ZFHX4: variants seen among roughly 807,000 people sequenced by gnomAD.
ZFHX4 encodes zinc finger homeobox 4.
Under a neutral mutation model 267.6 loss-of-function variants are expected in ZFHX4, and 56 were observed. That is an observed-to-expected ratio of 0.21 (90% CI 0.17 to 0.26). The LOEUF is 0.26. Ranked by LOEUF, ZFHX4 falls within the 10% of genes least tolerant of loss-of-function variation. The pLI, the probability that ZFHX4 is intolerant of heterozygous loss-of-function variation, is 1.00. For missense variants in ZFHX4, 4,332 were observed against 4,420.0 expected (o/e 0.98, Z 0.56); for synonymous variants, 1,778 against 1,665.6 (o/e 1.07, Z -1.64).
intron 3 of ZFHX4, among the ~76,000 whole-genome samples, chr8:76,767,950 A>G (rs1037911382): frequency 3.9e-5 from 6 of 152,202 alleles, no homozygotes; most frequent in African/African-American, 1.4e-4. Flanking sequence ...AGAATATGTT[A>G]ATCAGCATAA....
chr8:76,812,508 G>T (rs778122834), intron 4 of ZFHX4, among the ~76,000 whole-genome samples: 1 of 152,070 alleles, frequency 6.6e-6, no homozygotes, highest in Non-Finnish European at 1.5e-5. Context: ...ACAAACTTAG[G>T]TTTTAAATTT....
intron 3 of ZFHX4, among the ~76,000 whole-genome samples, chr8:76,759,709 TGA>T (rs1809859178): frequency 6.6e-6 from 1 of 152,236 alleles, no homozygotes; most frequent in South Asian, 2.1e-4. Context: ...TTTAGTCATT[TGA>T]GTTTTAATTT....
chr8:76,703,900 T>C (rs1563469268), intron 1 of ZFHX4, 143 bp from the exon 2 acceptor site: 3 of 620,974 alleles, frequency 4.8e-6, no homozygotes, highest in East Asian at 5.6e-5. Flanking sequence ...CCGTCTGTGA[T>C]AGATAGGCAC....
chr8:76,727,209 G>A (rs935321471), intron 3 of ZFHX4, among the ~76,000 whole-genome samples: 1 of 152,094 alleles, frequency 6.6e-6, no homozygotes, highest in Non-Finnish European at 1.5e-5. Context: ...AGACAAGGGT[G>A]TTAACCTTCA....
Position 76,853,130 on chromosome 8 carries a change from C to G in ZFHX4, c.6209C>G (p.Pro2070Arg), listed in dbSNP as rs534760071. Residue 2070 changes from proline (P) to arginine (R), a missense_variant, in exon 10 of 11, where the codon CCG (proline) becomes CGG (arginine). Physicochemically the swap from Pro to Arg is moderately radical, Grantham distance 103 (BLOSUM62 -2). Around this residue, in one of 7 missense-constraint regions of ZFHX4, gnomAD observed 1,371 missense variants for 1,423.1 expected, o/e 0.96. Coordinates refer to ENST00000651372, the MANE Select transcript of ZFHX4 (RefSeq NM_024721.5). ...TCTGCTCCTCCACAGGTCCAACTGC[C>G]GGTTTCTCTGGACCTGCCGCTCTTT... is the stretch of plus-strand genomic sequence containing the variant. ...PPSAPPQVQL[P>R]VSLDLPLFPS... The G allele has an allele frequency of 2.7e-6, 4 of 1,497,900 alleles. No individual in the cohort carries two copies. The highest frequency in any genetic ancestry group is 2.8e-5 in the East Asian group (1 of 35,848). 92.8% of individuals were successfully genotyped at this position (1,497,900 alleles called of 1,614,324 possible).
At chr8:76,827,096 C>T (rs1312068165) in intron 4 of ZFHX4, among the ~76,000 whole-genome samples, 1 of 152,216 alleles carries the variant, frequency 6.6e-6, no homozygotes, top group Non-Finnish European at 1.5e-5. Context: ...CAGTGGTCTC[C>T]AACCTTTTTG....
At chr8:76,721,158 AAGG>A (rs1021268053) in intron 3 of ZFHX4, among the ~76,000 whole-genome samples, 3 of 152,130 alleles carry the variant, frequency 2.0e-5, no homozygotes, top group African/African-American at 4.8e-5. Flanking sequence ...GAGTCTTTTG[AAGG>A]AGGAGAAGTG....
intron 4 of ZFHX4, among the ~76,000 whole-genome samples, chr8:76,818,948 A>G (rs1811574007): frequency 6.6e-6 from 1 of 151,988 alleles, no homozygotes; most frequent in Non-Finnish European, 1.5e-5. Context: ...GAGTAAACTT[A>G]CCAACTAAAT....
At position 76,864,091 on chromosome 8, in the gene ZFHX4, T is replaced by C. The variant is rs1812959487; in HGVS notation, c.10377T>C (p.Asn3459=). Residue 3459 remains asparagine (N), a synonymous_variant, in exon 11 of 11, where the codon AAT becomes AAC. Transcript: ENST00000651372. ...CCTGTGATGTGGCTATCAGTGGGAA[T>C]GAAGCACTTAGCCAACACCTCCAGT... is the stretch of plus-strand genomic sequence containing the variant. ...CLACDVAISG[N]EALSQHLQSS... 6.2e-7 allele frequency: 1 copy of C among 1,613,858 alleles called. No individual in the cohort carries two copies. Among genetic ancestry groups the C allele is most frequent in the Admixed American group, 1.7e-5 (1 of 59,994 alleles).
Position 76,704,481 on chromosome 8 carries a change from C to T in ZFHX4, c.393C>T (p.Ile131=), listed in dbSNP as rs187480056. The stretch of plus-strand genomic sequence containing the variant: ...ACGTGGAAAATCTAACAGGGGAGAT[C>T]GTTTACCAGCCTGATGGGTCAGCAT... ...DSDVENLTGE[I]VYQPDGSAYI... is the part of the protein sequence containing the mutation. Residue 131 remains isoleucine (I), a synonymous_variant, in exon 2 of 11, where the codon ATC becomes ATT. Transcript: ENST00000651372. 2.4e-4 allele frequency: 393 copies of T among 1,613,926 alleles called. No homozygotes were observed. In the Middle Eastern group the frequency reaches 3.6e-3, roughly 15 times the overall value.
At chr8:76,861,840 A>G (rs999572339) in intron 10 of ZFHX4, among the ~76,000 whole-genome samples, 4 of 151,762 alleles carry the variant, frequency 2.6e-5, no homozygotes, top group African/African-American at 7.3e-5. Context: ...AGATGGCTCT[A>G]TGAAGTCTCA....
At chr8:76,753,552 C>T (rs1809679686) in intron 3 of ZFHX4, among the ~76,000 whole-genome samples, 1 of 151,732 alleles carries the variant, frequency 6.6e-6, no homozygotes. Flanking sequence ...CCTCTCTTTC[C>T]ATCTCTTTTG....
Position 76,854,897 on chromosome 8 carries a change from G to A in ZFHX4, c.7976G>A (p.Arg2659Gln). 6.2e-7 allele frequency: 1 copy of A among 1,613,268 alleles called. No individual in the cohort carries two copies. ...GTCTGGTTCCAGAATACACGAGCGC[G>A]GGAGAGGAAAGGCCAGTTCCGGGCG... ...VQVWFQNTRA[R>Q]ERKGQFRAVG... is the part of the protein sequence containing the mutation. The change falls in exon 10 of 11, where the codon CGG (arginine) becomes CAG (glutamine). Residue 2659 changes from arginine (R) to glutamine (Q), a missense_variant. By Grantham distance (43) the Arg-to-Gln change is conservative. This residue lies in a region of ZFHX4 where 1,648 missense variants were observed against 1,625.0 expected (regional missense o/e 1.01). Transcript: ENST00000651372.
chr8:76,849,336 T>G (rs1812448410), intron 7 of ZFHX4, among the ~76,000 whole-genome samples, 176 bp from the exon 8 acceptor site: 1 of 152,212 alleles, frequency 6.6e-6, no homozygotes, highest in Admixed American at 6.5e-5. Context: ...TGGAATGGTC[T>G]TAGTACAAGA....
rs772990885 is a variant in ZFHX4 at position 76,704,536 on chromosome 8, C to A, written c.448C>A (p.Gln150Lys). ...AATTGAGGACTCCAAAGAAAGTGGGCAGAATGCACAGACTGGGGCAAATAG... is the reference window on the plus strand; with the variant it reads ...AATTGAGGACTCCAAAGAAAGTGGGAAGAATGCACAGACTGGGGCAAATAG... ...YIIEDSKESG[Q>K]NAQTGANSKL... is the part of the protein sequence containing the mutation. Residue 150 changes from glutamine to lysine, a missense_variant, in exon 2 of 11, where the codon CAG becomes AAG. This residue lies in a region of ZFHX4 where 1,195 missense variants were observed against 1,173.6 expected (regional missense o/e 1.02). Transcript: ENST00000651372. 6.2e-7 allele frequency: 1 copy of A among 1,613,942 alleles called. No homozygotes were observed. The highest frequency in any genetic ancestry group is 1.7e-5 in the Admixed American group (1 of 60,022).
At chr8:76,686,279 G>C (rs1241014073) in intron 1 of ZFHX4, among the ~76,000 whole-genome samples, 1 of 152,158 alleles carries the variant, frequency 6.6e-6, no homozygotes, top group Non-Finnish European at 1.5e-5. Context: ...ATCTCTGCAA[G>C]CTGTTTGTTT....
chr8:76,787,339 G>A (rs914856328), intron 4 of ZFHX4, among the ~76,000 whole-genome samples: 5 of 152,004 alleles, frequency 3.3e-5, no homozygotes, highest in Non-Finnish European at 5.9e-5. Context: ...CTTGAAATAC[G>A]GGCAGGTTTT....
chr8:76,824,217 T>C (rs1811727737), intron 4 of ZFHX4, among the ~76,000 whole-genome samples: 1 of 152,220 alleles, frequency 6.6e-6, no homozygotes, highest in South Asian at 2.1e-4. Context: ...TTTGGTTTCA[T>C]TATGAATTGT....
chr8:76,730,653 T>G (rs1808984153), intron 3 of ZFHX4, among the ~76,000 whole-genome samples: 3 of 151,950 alleles, frequency 2.0e-5, no homozygotes, highest in Admixed American at 2.0e-4. Context: ...GAGTCGAGAT[T>G]GCACCATTGC....
Sources: gnomAD v4.1 joint callset for allele counts (sites outside exome capture counted in the v4.1 genomes callset) on GRCh38, gnomAD v4.1.1 for gene constraint, gnomAD v4.1.1 regional missense constraint, MANE v1.5 for transcripts, NCBI Gene and HGNC (gene_info 2026-07-23, HGNC 2026-07-21) for gene names.